The following DPF3 variants were observed in gnomAD, a reference collection of about 807,000 sequenced individuals.
The protein encoded by DPF3 is double PHD fingers 3, also known as zinc finger protein DPF3.
DPF3 carries 18 observed loss-of-function variants against 56.8 expected under a neutral mutation model. The observed-to-expected ratio is 0.32, with a 90% confidence interval of 0.22 to 0.47. The LOEUF (loss-of-function observed/expected upper bound fraction) is 0.47. Among genes scored for constraint, DPF3 ranks in the 20% least tolerant of loss-of-function variants. DPF3 has a pLI of 1.00. For synonymous variants in DPF3, 188 were observed against 180.2 expected (o/e 1.04, Z -0.35); for missense variants, 403 against 488.8 (o/e 0.82, Z 1.65).
In DPF3 at chr14:72,714,462, C is replaced by G; in HGVS notation, c.565G>C (p.Ala189Pro). The change falls in exon 6 of 11, where the codon GCC becomes CCC. Residue 189 changes from alanine to proline, a missense_variant. Ala to Pro is a conservative substitution (Grantham distance 27). Coordinates refer to ENST00000556509, the MANE Select transcript of DPF3 (RefSeq NM_001280542.3). ...SAGGRRRHDA[A>P]SQEDHDKPYV... is the part of the protein sequence containing the mutation. ...GGTTTGTCGTGGTCTTCCTGAGAGGCGGCGTCGTGCCTCCTCCTGCCCCCT... is the reference window on the plus strand; with the variant it reads ...GGTTTGTCGTGGTCTTCCTGAGAGGGGGCGTCGTGCCTCCTCCTGCCCCCT... 6.2e-7 allele frequency: 1 copy of G among 1,613,816 alleles called. No individual in the cohort carries two copies. The highest frequency in any genetic ancestry group is 2.2e-5 in the East Asian group (1 of 44,872).
At position 72,836,571 on chromosome 14, in the gene DPF3, T is replaced by G. The variant is rs971933581; in HGVS notation, c.32+57486A>C. 20 of 956,940 alleles carry G rather than the reference T, an allele frequency of 2.1e-5. No individual in the cohort carries two copies. In the Admixed American group the frequency reaches 3.1e-4, roughly 15 times the overall value. The allele number at this position is 956,940 out of a possible 1,614,324, so 59.3% of individuals were successfully genotyped here. On this transcript the variant is annotated intron_variant, in intron 1 of 10. Transcript: ENST00000556509. ...CATGCCTACTGTGATGTCACTCCTT[T>G]TATCAGTCTATCTGGATGAATTTTT...
At chr14:72,757,819 A>G (rs1409295489) in intron 2 of DPF3, among the ~76,000 whole-genome samples, 1 of 152,160 alleles carries the variant, frequency 6.6e-6, no homozygotes, top group African/African-American at 2.4e-5. Flanking sequence ...TCCTAGAACC[A>G]ATTCCCAGTG....
rs769634317 is a variant in DPF3, at chr14:72,753,296, T to C, written c.269A>G (p.Asp90Gly). The stretch of plus-strand genomic sequence containing the variant: ...TATCTCCAGCAGCCGCAGTTTTGGA[T>C]CTTCAGGTGGGTGCAATCGTCTCTT... Reference protein sequence around the residue: ...RKKRRLHPPEDPKLRLLEIKP... With the variant: ...RKKRRLHPPEGPKLRLLEIKP... Residue 90 changes from aspartate (D) to glycine (G), a missense_variant, in exon 3 of 11, where the codon GAT (aspartate) becomes GGT (glycine). Asp to Gly is a moderately conservative substitution (Grantham distance 94). This residue lies in a region of DPF3 where 340 missense variants were observed against 374.3 expected (regional missense o/e 0.91). Coordinates refer to ENST00000556509, the MANE Select transcript of DPF3 (RefSeq NM_001280542.3). The C allele has an allele frequency of 1.2e-6, 2 of 1,613,550 alleles. No individual in the cohort carries two copies. Among genetic ancestry groups the C allele is most frequent in the Non-Finnish European group, 1.7e-6 (2 of 1,179,848 alleles).
chr14:72,806,484 C>T (rs1294439429), intron 1 of DPF3, among the ~76,000 whole-genome samples: 2 of 152,214 alleles, frequency 1.3e-5, no homozygotes, highest in East Asian at 1.9e-4. Flanking sequence ...CCAACTCTCA[C>T]ATCAGCAAAG....
intron 1 of DPF3, among the ~76,000 whole-genome samples, chr14:72,833,016 A>T (rs965690111): frequency 6.6e-6 from 1 of 152,220 alleles, no homozygotes; most frequent in African/African-American, 2.4e-5. Context: ...TACACCCAAC[A>T]AAGGAGTTGG....
At chr14:72,877,318 A>G (rs1347412628) in intron 1 of DPF3, among the ~76,000 whole-genome samples, 1 of 152,090 alleles carries the variant, frequency 6.6e-6, no homozygotes, top group African/African-American at 2.4e-5. Context: ...AGAGGTGGAG[A>G]TGCTGTGGAG....
At chr14:72,669,822 C>A in intron 8 of DPF3, 2 of 891,838 alleles carry the variant, frequency 2.2e-6, no homozygotes, top group Non-Finnish European at 2.7e-6. Flanking sequence ...GCCACTCTTA[C>A]ACTAAGAAGG....
intron 1 of DPF3, among the ~76,000 whole-genome samples, chr14:72,884,971 T>TATATATATA (rs10523148): frequency 1.1e-3 from 120 of 111,528 alleles, no homozygotes; most frequent in Non-Finnish European, 1.5e-3. Flanking sequence ...TATATATATA[T>TATATATATA]TAGCCGGGCG....
intron 6 of DPF3, 87 bp downstream of exon 6, chr14:72,714,336 A>G (rs1888799952): frequency 6.5e-7 from 1 of 1,536,708 alleles, no homozygotes; most frequent in Non-Finnish European, 8.9e-7. Flanking sequence ...TGAGGTTGGC[A>G]GGCGGATGGC....
At chr14:72,621,992 C>T (rs1432360874) in intron 9 of DPF3, among the ~76,000 whole-genome samples, 2 of 152,070 alleles carry the variant, frequency 1.3e-5, no homozygotes, top group African/African-American at 4.8e-5. Flanking sequence ...GAAGTCTGGG[C>T]CTGAGATATG....
intron 7 of DPF3, among the ~76,000 whole-genome samples, chr14:72,689,335 C>T (rs2153572573): frequency 6.6e-6 from 1 of 152,284 alleles, no homozygotes; most frequent in East Asian, 1.9e-4. Context: ...CATTAGGCCT[C>T]CGCTCACATG....
intron 8 of DPF3, among the ~76,000 whole-genome samples, chr14:72,668,539 T>C (rs1221716458): frequency 1.3e-5 from 2 of 152,164 alleles, no homozygotes; most frequent in African/African-American, 2.4e-5. Context: ...AAATATAAAA[T>C]AGACAAGCAA....
At chr14:72,734,754 G>A (rs1599394498) in intron 3 of DPF3, among the ~76,000 whole-genome samples, 1 of 152,116 alleles carries the variant, frequency 6.6e-6, no homozygotes, top group Admixed American at 6.5e-5. Flanking sequence ...ACAGCAGGAT[G>A]AGAATGCAGC....
chr14:72,753,336 G>T lies in DPF3; in HGVS notation c.229C>A (p.Arg77Ser). Residue 77 changes from arginine (R) to serine (S), a missense_variant, in exon 3 of 11, where the codon CGC becomes AGC. Arg to Ser is a moderately radical substitution (Grantham distance 110, BLOSUM62 -1). Coordinates refer to ENST00000556509, the MANE Select transcript of DPF3 (RefSeq NM_001280542.3). ...APGQLYTYPA[R>S]CWRKKRRLHP... Reference sequence around the variant, plus strand: ...AATCGTCTCTTCTTGCGCCAGCAGCGGGCAGGGTATGTATACAGCTGGCCC... The same window carrying T: ...AATCGTCTCTTCTTGCGCCAGCAGCTGGCAGGGTATGTATACAGCTGGCCC... 6.2e-7 allele frequency: 1 copy of T among 1,613,258 alleles called. No individual in the cohort carries two copies. Among genetic ancestry groups the T allele is most frequent in the Non-Finnish European group, 8.5e-7 (1 of 1,179,826 alleles).
Position 72,615,047 on chromosome 14 carries a change from G to A in DPF3, c.*4250C>T, listed in dbSNP as rs764305734. Among the ~76,000 whole-genome samples the A allele has an allele frequency of 5.9e-5, 9 of 152,232 alleles. No individual in the cohort carries two copies. In the South Asian group the frequency reaches 1.5e-3, roughly 25 times the overall value. On this transcript the variant is annotated 3_prime_UTR_variant, in exon 11 of 11. Transcript: ENST00000556509. ...TGCGGCATCCTGTGGGAGTGTGAGCGTGGCTCTGGCCAGAGCCAACTTCTC... is the reference window on the plus strand; with the variant it reads ...TGCGGCATCCTGTGGGAGTGTGAGCATGGCTCTGGCCAGAGCCAACTTCTC...
chr14:72,700,870 G>C (rs1352768773), intron 6 of DPF3, among the ~76,000 whole-genome samples: 2 of 152,238 alleles, frequency 1.3e-5, no homozygotes, highest in Non-Finnish European at 2.9e-5. Context: ...AGCTCATGGG[G>C]AGTCGTGGCT....
chr14:72,778,755 A>C (rs1254876559), intron 1 of DPF3, among the ~76,000 whole-genome samples: 1 of 152,222 alleles, frequency 6.6e-6, no homozygotes, highest in Non-Finnish European at 1.5e-5. Context: ...TTCCCAAAAA[A>C]GGGCTAAGGA....
chr14:72,719,599 A>G (rs1371230149), intron 5 of DPF3, among the ~76,000 whole-genome samples: 1 of 152,236 alleles, frequency 6.6e-6, no homozygotes, highest in Non-Finnish European at 1.5e-5. Context: ...GGTAATACTC[A>G]CATGGATGAC....
chr14:72,755,827 G>A (rs1157848978), intron 2 of DPF3, among the ~76,000 whole-genome samples: 1 of 152,126 alleles, frequency 6.6e-6, no homozygotes, highest in Non-Finnish European at 1.5e-5. Context: ...GAGCTCCCTG[G>A]CCCCTTCCTT....
Sources: allele counts gnomAD v4.1 joint callset (sites outside exome capture counted in the v4.1 genomes callset), GRCh38; gene constraint gnomAD v4.1.1; regional missense constraint gnomAD v4.1.1; transcripts MANE v1.5; gene names NCBI Gene and HGNC (gene_info 2026-07-23, HGNC 2026-07-21).